MAP2K5: variants seen among roughly 807,000 people sequenced by gnomAD.
The protein encoded by MAP2K5 is mitogen-activated protein kinase kinase 5, also known as dual specificity mitogen-activated protein kinase kinase 5.
Under a neutral mutation model 83.1 loss-of-function variants are expected in MAP2K5, and 49 were observed. That is an observed-to-expected ratio of 0.59 (90% confidence interval 0.47 to 0.75). MAP2K5 has a LOEUF of 0.75. MAP2K5 is among the 30% of genes least tolerant of loss of function. The pLI is 0.00. For missense variants in MAP2K5, 457 were observed against 557.5 expected, an observed-to-expected ratio of 0.82 and a Z score of 1.82; for synonymous variants, 202 against 191.8, an observed-to-expected ratio of 1.05 and a Z score of -0.44.
At chr15:67,714,049 CA>C (rs1406435561) in intron 16 of MAP2K5, among the ~76,000 whole-genome samples, 1 of 152,096 alleles carries the variant, frequency 6.6e-6, no homozygotes, top group Non-Finnish European at 1.5e-5. Context: ...ATTTATTGAA[CA>C]CCTTTTACAT....
chr15:67,616,382 T>G (rs2086055828), intron 8 of MAP2K5, among the ~76,000 whole-genome samples: 1 of 152,166 alleles, frequency 6.6e-6, no homozygotes, highest in African/African-American at 2.4e-5. Context: ...AGACAATGAT[T>G]TATTTGTCTT....
intron 8 of MAP2K5, chr15:67,628,495 A>T (rs1357775046): frequency 1.5e-6 from 1 of 684,668 alleles, no homozygotes; most frequent in African/African-American, 1.8e-5. Context: ...AAATAAAAAT[A>T]AAAAATAAAA....
chr15:67,765,386 A>C (rs2090023074), intron 19 of MAP2K5, among the ~76,000 whole-genome samples: 1 of 152,158 alleles, frequency 6.6e-6, no homozygotes, highest in South Asian at 2.1e-4. Flanking sequence ...GTATAGTACA[A>C]TATCTATACT....
intron 17 of MAP2K5, among the ~76,000 whole-genome samples, chr15:67,735,997 C>G (rs575065545): frequency 6.6e-6 from 1 of 152,290 alleles, no homozygotes; most frequent in Admixed American, 6.5e-5. Flanking sequence ...AGGTCTAAAA[C>G]AGCATATTAT....
chr15:67,747,555 C>G lies in MAP2K5; in HGVS notation c.1075-676C>G, dbSNP rs985559168. Among the ~76,000 whole-genome samples, 1 of 152,160 alleles carries G rather than the reference C, an allele frequency of 6.6e-6. No homozygotes were observed. The highest frequency in any genetic ancestry group is 2.4e-5 in the African/African-American group (1 of 41,434). The stretch of plus-strand genomic sequence containing the variant: ...TTATCAGTGTTAAATGTGTGAGCAG[C>G]CTGCCTTCAGAATGTTGATCAGAAA... On this transcript the variant is annotated intron_variant, in intron 17 of 21. Transcript: ENST00000178640. This position sits in a 1 kb window ranked among gnomAD's most constrained non-coding sequence, Gnocchi z 4.1.
At chr15:67,566,336 G>A (rs1038939165) in intron 3 of MAP2K5, among the ~76,000 whole-genome samples, 1 of 151,924 alleles carries the variant, frequency 6.6e-6, no homozygotes, top group Non-Finnish European at 1.5e-5. Flanking sequence ...CACCACGCAC[G>A]GCTAATTTTT....
intron 17 of MAP2K5, among the ~76,000 whole-genome samples, chr15:67,739,517 G>A (rs1253917112): frequency 2.7e-5 from 3 of 111,330 alleles, no homozygotes; most frequent in Non-Finnish European, 5.1e-5. Context: ...GTCTCACTCT[G>A]TTGCCCAGGC....
chr15:67,668,508 A>G lies in MAP2K5; in HGVS notation c.847+3863A>G, dbSNP rs962140604. 2.3e-4 allele frequency among the ~76,000 whole-genome samples: 35 copies of G among 152,338 alleles called. No individual in the cohort carries two copies. The highest frequency in any genetic ancestry group is 6.8e-3 in the Middle Eastern group (2 of 294). ...GAACAGTGAGAAAATCTGTTAGGCC[A>G]GATCCGACATTACAGGAAACATCGC... is the stretch of plus-strand genomic sequence containing the variant. On this transcript the variant is annotated intron_variant, in intron 13 of 21. Coordinates refer to ENST00000178640, the MANE Select transcript of MAP2K5 (RefSeq NM_145160.3). The surrounding 1 kb of genome is among the most constrained non-coding windows in gnomAD (Gnocchi z 4.0).
chr15:67,551,175 G>A (rs918096379), intron 2 of MAP2K5, among the ~76,000 whole-genome samples: 3 of 152,138 alleles, frequency 2.0e-5, no homozygotes, highest in African/African-American at 7.2e-5. Context: ...AATACAATGA[G>A]TACTTCCTTT....
chr15:67,727,763 T>A (rs992186377), intron 16 of MAP2K5, among the ~76,000 whole-genome samples, 153 bp from the exon 17 acceptor site: 7 of 152,254 alleles, frequency 4.6e-5, no homozygotes, highest in Admixed American at 3.9e-4. Context: ...CAGCTCTTAA[T>A]GTAATTACAG....
At chr15:67,657,752 G>A (rs2141139660) in intron 11 of MAP2K5, among the ~76,000 whole-genome samples, 1 of 151,666 alleles carries the variant, frequency 6.6e-6, no homozygotes, top group Middle Eastern at 3.4e-3. Flanking sequence ...GTGTCTATAT[G>A]CATATATATG....
intron 16 of MAP2K5, among the ~76,000 whole-genome samples, chr15:67,712,278 C>A (rs377306013): frequency 6.6e-6 from 1 of 152,202 alleles, no homozygotes; most frequent in Non-Finnish European, 1.5e-5. Context: ...AAGATCCAGA[C>A]GTTTGGAGTT....
rs1220971652 is a variant in MAP2K5 at position 67,592,942 on chromosome 15, G to T, written c.448G>T (p.Ala150Ser). The T allele has an allele frequency of 6.2e-6, 10 of 1,607,828 alleles. No homozygotes were observed. In the Admixed American group the frequency reaches 1.3e-4, roughly 22 times the overall value. Residue 150 changes from alanine to serine, a missense_variant, in exon 7 of 22, where the codon GCT (alanine) becomes TCT (serine). Coordinates refer to ENST00000178640, the MANE Select transcript of MAP2K5 (RefSeq NM_145160.3). ...CCTTTTCAGCTTAAAGAAGTCTTCT[G>T]CTGAACTGAAAAAAATACTAGCCAA... ...LPSNSLKKSSAELKKILANGQ... is the reference protein window; with the variant it reads ...LPSNSLKKSSSELKKILANGQ...
chr15:67,756,698 C>T (rs1242456415), intron 19 of MAP2K5, among the ~76,000 whole-genome samples: 1 of 152,094 alleles, frequency 6.6e-6, no homozygotes, highest in Non-Finnish European at 1.5e-5. Context: ...ATTTCCCCCA[C>T]CCTCCAAGCC....
chr15:67,751,511 CTA>C (rs1472962135), intron 19 of MAP2K5, among the ~76,000 whole-genome samples: 1 of 152,130 alleles, frequency 6.6e-6, no homozygotes, highest in East Asian at 1.9e-4. Flanking sequence ...TGATGTGTGT[CTA>C]TGTGTACCTG....
chr15:67,599,320 G>A (rs2085600343), intron 7 of MAP2K5, among the ~76,000 whole-genome samples: 1 of 152,056 alleles, frequency 6.6e-6, no homozygotes, highest in Admixed American at 6.5e-5. Context: ...GATTGTAAAG[G>A]GCATCAGTCT....
At chr15:67,560,294 A>T (rs1041461642) in intron 2 of MAP2K5, among the ~76,000 whole-genome samples, 32 of 152,232 alleles carry the variant, frequency 2.1e-4, no homozygotes, top group Non-Finnish European at 4.0e-4. Context: ...TGGAGCCACC[A>T]GTCTTCTCAT....
intron 16 of MAP2K5, among the ~76,000 whole-genome samples, chr15:67,703,884 G>A (rs1260782111): frequency 6.6e-6 from 1 of 151,628 alleles, no homozygotes; most frequent in African/African-American, 2.4e-5. Flanking sequence ...ATATATGTTT[G>A]TTTTAAAAGA....
In MAP2K5 at chr15:67,555,212, G is replaced by T. The variant is rs2084600868; in HGVS notation, c.184+5130G>T. 6.6e-6 allele frequency among the ~76,000 whole-genome samples: 1 copy of T among 152,210 alleles called. No individual in the cohort carries two copies. The highest frequency in any genetic ancestry group is 2.1e-4 in the South Asian group (1 of 4,830). On this transcript the variant is annotated intron_variant, in intron 2 of 21. Coordinates refer to ENST00000178640, the MANE Select transcript of MAP2K5 (RefSeq NM_145160.3). The surrounding 1 kb of genome is among the most constrained non-coding windows in gnomAD (Gnocchi z 5.2). The stretch of plus-strand genomic sequence containing the variant: ...ACAAGCATGGCACTAGCATCTGCTT[G>T]CATTCTGCTGAGGAAGCTTTTACTT...
Sources: allele counts gnomAD v4.1 joint callset (sites outside exome capture counted in the v4.1 genomes callset), GRCh38; gene constraint gnomAD v4.1.1; non-coding constraint Gnocchi (gnomAD v3.1); transcripts MANE v1.5; gene names NCBI Gene and HGNC (gene_info 2026-07-23, HGNC 2026-07-21).